Variants in SLC12A7 observed in about 807,000 individuals in gnomAD.
The protein encoded by SLC12A7 is K-Cl cotransporter 4.
Under a neutral mutation model 120.6 loss-of-function variants are expected in SLC12A7, and 100 were observed. The observed-to-expected ratio is 0.83, with a 90% CI of 0.71 to 0.98. The LOEUF (loss-of-function observed/expected upper bound fraction) is 0.98, where lower values mean the gene tolerates loss of function less well. SLC12A7 is among the 50% of genes least tolerant of loss of function. The probability of loss-of-function intolerance (pLI) is 0.00; values close to 1 mark genes in which losing one functional copy is unlikely to be tolerated. For missense variants in SLC12A7, 1,373 were observed against 1,548.1 expected, an observed-to-expected ratio of 0.89 and a Z score of 1.90; for synonymous variants, 760 against 678.0, an observed-to-expected ratio of 1.12 and a Z score of -1.88.
the SLC12A7 span, among the ~76,000 whole-genome samples, chr5:1,130,807 G>A: frequency 3.9e-5 from 6 of 152,218 alleles, no homozygotes; most frequent in African/African-American, 7.2e-5. Flanking sequence ...AGCGGAAAGA[G>A]GAGGAGGCTG....
chr5:1,088,839 C>T (rs1031225555), intron 4 of SLC12A7, 143 bp downstream of exon 4: 71 of 1,030,298 alleles, frequency 6.9e-5, no homozygotes, highest in Non-Finnish European at 9.2e-5. Flanking sequence ...TCTACACGGG[C>T]GTCTGGGGAG....
chr5:1,067,920 C>CAGCACCGTGTCGGGGACCCTGTTAT (rs1561048524), intron 17 of SLC12A7, among the ~76,000 whole-genome samples: 6 of 151,782 alleles, frequency 4.0e-5, no homozygotes, highest in South Asian at 2.1e-4. Flanking sequence ...TATCACAAGT[C>CAGCACCGTGTCGGGGACCCTGTTAT]CCCGCACCTG....
In SLC12A7 at chr5:1,069,719, GGTGAC is replaced by G. The variant is rs532004609; in HGVS notation, c.2241+3909_2241+3913del. 1.2e-4 allele frequency among the ~76,000 whole-genome samples: 19 copies of G among 152,238 alleles called. No homozygotes were observed. The South Asian group carries it at 1.5e-3, about 12-fold the overall frequency. On this transcript the variant is annotated intron_variant, in intron 17 of 23. Coordinates refer to ENST00000264930, the MANE Select transcript of SLC12A7 (RefSeq NM_006598.3). ...AGCAAGAAATACAGAAGTAACTCCA[GGTGAC>G]GTGACGTGACGTGACGTGATGGGAC... is the stretch of plus-strand genomic sequence containing the variant.
chr5:1,123,722 G>C, the SLC12A7 span, among the ~76,000 whole-genome samples: 1 of 152,246 alleles, frequency 6.6e-6, no homozygotes, highest in Non-Finnish European at 1.5e-5. Flanking sequence ...CCGGGATCGG[G>C]GCCTCCATCA....
chr5:1,103,492 C>T (rs902140294), intron 1 of SLC12A7, among the ~76,000 whole-genome samples: 1 of 152,240 alleles, frequency 6.6e-6, no homozygotes, highest in Non-Finnish European at 1.5e-5. Context: ...CGTGCACACG[C>T]AAACTTGCTC....
chr5:1,151,586 T>C, the SLC12A7 span, among the ~76,000 whole-genome samples: 2 of 152,114 alleles, frequency 1.3e-5, no homozygotes, highest in African/African-American at 4.8e-5. This position sits in a 1 kb window ranked among gnomAD's most constrained non-coding sequence, Gnocchi z 6.2. Context: ...CTGGTCTCTG[T>C]CCCAGTGCCA....
intron 1 of SLC12A7, among the ~76,000 whole-genome samples, chr5:1,110,480 G>C (rs370074838): frequency 6.6e-6 from 1 of 152,246 alleles, no homozygotes; most frequent in South Asian, 2.1e-4. Flanking sequence ...AAACGAACAA[G>C]CACAAAATTC....
chr5:1,085,934 C>T (rs554648238), intron 6 of SLC12A7, among the ~76,000 whole-genome samples: 86 of 152,336 alleles, frequency 5.6e-4, no homozygotes, highest in African/African-American at 2.0e-3. Flanking sequence ...CTGACCACGC[C>T]GGCGGGGGGC....
the SLC12A7 span, among the ~76,000 whole-genome samples, chr5:1,142,792 TG>T: frequency 3.9e-5 from 3 of 76,272 alleles, no homozygotes; most frequent in African/African-American, 9.4e-5. Context: ...GACCATCAGC[TG>T]CCCCCCCCAT....
At chr5:1,104,063 C>A (rs889067122) in intron 1 of SLC12A7, among the ~76,000 whole-genome samples, 1 of 152,194 alleles carries the variant, frequency 6.6e-6, no homozygotes, top group Non-Finnish European at 1.5e-5. Context: ...CTCTGGGCTG[C>A]GGTCGGGGAC....
intron 3 of SLC12A7, among the ~76,000 whole-genome samples, chr5:1,090,573 A>G (rs530048402): frequency 2.8e-4 from 42 of 152,352 alleles, no homozygotes; most frequent in Non-Finnish European, 5.6e-4. Flanking sequence ...CTGAGAGCCC[A>G]GGGCAGAGGT....
chr5:1,096,805 GAAGGAAGGA>G lies in SLC12A7; in HGVS notation c.125-2566_125-2558del, dbSNP rs1467927553. On this transcript the variant is annotated intron_variant, in intron 1 of 23. Coordinates refer to ENST00000264930, the MANE Select transcript of SLC12A7 (RefSeq NM_006598.3). ...GGAGGGAGGGAAGGAAGGAGGGAGGGAAGGAAGGAGGGAAGGGAGGGAAGGAAGGAGGGA... is the reference window on the plus strand; with the variant it reads ...GGAGGGAGGGAAGGAAGGAGGGAGGGGGGAAGGGAGGGAAGGAAGGAGGGA... 7.5e-4 allele frequency among the ~76,000 whole-genome samples: 38 copies of G among 50,556 alleles called. 1 individual carries two copies. Among genetic ancestry groups the G allele is most frequent in the Non-Finnish European group, 1.2e-3 (27 of 23,056 alleles). The allele number at this position is 50,556 out of a possible 152,430, so 33.2% of individuals were successfully genotyped here.
the SLC12A7 span, among the ~76,000 whole-genome samples, chr5:1,144,858 G>A: frequency 3.3e-5 from 5 of 152,232 alleles, no homozygotes; most frequent in Admixed American, 6.5e-5. Context: ...ACAGGCCTCC[G>A]AGCGGCAGAA....
the SLC12A7 span, among the ~76,000 whole-genome samples, chr5:1,136,586 AGAC>A: frequency 2.6e-5 from 3 of 115,520 alleles, no homozygotes; most frequent in African/African-American, 4.1e-5. Context: ...ACATATGCTC[AGAC>A]ACCACCAGGA....
rs1156467224 is a variant in SLC12A7 at position 1,052,094 on chromosome 5, C to T, written c.*266G>A. 1.7e-5 allele frequency: 9 copies of T among 525,260 alleles called. No individual in the cohort carries two copies. The highest frequency in any genetic ancestry group is 5.2e-5 in the South Asian group (2 of 38,346). The allele number at this position is 525,260 out of a possible 1,614,324, so 32.5% of individuals were successfully genotyped here. A position where few individuals can be genotyped will look rare whatever the true frequency, so the allele number is the denominator to read the frequency against. On this transcript the variant is annotated 3_prime_UTR_variant, in exon 24 of 24. Transcript: ENST00000264930. ...TGTGACCTGCGAGAAGATCTGGCCA[C>T]GTCCAGGTCACTCCGGTAGCAGCGT...
chr5:1,154,736 G>A, the SLC12A7 span, among the ~76,000 whole-genome samples: 6 of 152,124 alleles, frequency 3.9e-5, no homozygotes, highest in Non-Finnish European at 8.8e-5. Flanking sequence ...CCACACACGT[G>A]AGCTGGGTCC....
intron 17 of SLC12A7, among the ~76,000 whole-genome samples, chr5:1,069,873 T>TGCA (rs1253694211): frequency 6.6e-6 from 1 of 152,104 alleles, no homozygotes; most frequent in African/African-American, 2.4e-5. Flanking sequence ...GGCAGCCGAC[T>TGCA]GCAGCAGCAG....
chr5:1,090,230 C>T (rs898866572), intron 3 of SLC12A7, among the ~76,000 whole-genome samples: 14 of 152,184 alleles, frequency 9.2e-5, no homozygotes, highest in Non-Finnish European at 1.9e-4. Flanking sequence ...CGTGCCGGAA[C>T]GCCTCCCACA....
chr5:1,089,023 C>T lies in SLC12A7; in HGVS notation c.448G>A (p.Val150Ile), dbSNP rs1740201465. The T allele has an allele frequency of 1.9e-6, 3 of 1,613,022 alleles. No individual in the cohort carries two copies. Among genetic ancestry groups the T allele is most frequent in the Non-Finnish European group, 2.5e-6 (3 of 1,179,988 alleles). Reference protein sequence around the residue: ...RLTWIVGVAGVLESFLIVAMC... With the variant: ...RLTWIVGVAGILESFLIVAMC... The stretch of plus-strand genomic sequence containing the variant: ...GCCACGATGAGGAAGGACTCCAGGA[C>T]ACCAGCCACCCCCACGATCCACGTC... Residue 150 changes from valine (V) to isoleucine (I), a missense_variant, in exon 4 of 24, where the codon GTC becomes ATC. By Grantham distance (29) the Val-to-Ile change is conservative (BLOSUM62 3). Coordinates refer to ENST00000264930, the MANE Select transcript of SLC12A7 (RefSeq NM_006598.3).
Sources: allele counts gnomAD v4.1 joint callset (sites outside exome capture counted in the v4.1 genomes callset), GRCh38; gene constraint gnomAD v4.1.1; non-coding constraint Gnocchi (gnomAD v3.1); transcripts MANE v1.5; gene names NCBI Gene and HGNC (gene_info 2026-07-23, HGNC 2026-07-21).